CAB39L: variants seen among roughly 807,000 people sequenced by gnomAD.
The protein encoded by CAB39L is calcium-binding protein 39-like.
Under a neutral mutation model 39.1 loss-of-function variants are expected in CAB39L, and 23 were observed. The ratio of observed to expected loss-of-function variants is 0.59; its 90% CI spans 0.42 to 0.83. The LOEUF is 0.83. CAB39L is among the 40% of genes least tolerant of loss of function. CAB39L has a pLI of 0.00. For missense variants in CAB39L, 366 were observed against 391.9 expected, an observed-to-expected ratio of 0.93 and a Z score of 0.56; for synonymous variants, 126 against 137.2, an observed-to-expected ratio of 0.92 and a Z score of 0.57.
chr13:49,440,338 G>A (rs557490751), intron 1 of CAB39L, among the ~76,000 whole-genome samples: 7 of 152,214 alleles, frequency 4.6e-5, no homozygotes, highest in Non-Finnish European at 7.4e-5. Flanking sequence ...AGTTATCCCA[G>A]CACCATTTAT....
chr13:49,391,090 T>C (rs750932305), intron 3 of CAB39L, among the ~76,000 whole-genome samples: 13 of 152,052 alleles, frequency 8.5e-5, no homozygotes, highest in Non-Finnish European at 1.6e-4. Flanking sequence ...TAAAGCGAAA[T>C]CCCACAAACT....
intron 7 of CAB39L, among the ~76,000 whole-genome samples, chr13:49,346,100 GATATAT>G (rs370368670): frequency 1.3e-4 from 4 of 30,946 alleles, no homozygotes; most frequent in Non-Finnish European, 2.3e-4. Flanking sequence ...ATATATGCTA[GATATAT>G]ATATATATAT....
intron 6 of CAB39L, among the ~76,000 whole-genome samples, chr13:49,358,187 C>T (rs1354987256): frequency 6.6e-6 from 1 of 152,116 alleles, no homozygotes; most frequent in Non-Finnish European, 1.5e-5. Flanking sequence ...AGGATCTTTC[C>T]CTTTCCAGAG....
At chr13:49,373,208 A>G (rs1955967264) in intron 5 of CAB39L, among the ~76,000 whole-genome samples, 1 of 151,822 alleles carries the variant, frequency 6.6e-6, no homozygotes, top group African/African-American at 2.4e-5. Flanking sequence ...ACTCCTATCA[A>G]CCTTGGCCAA....
intron 6 of CAB39L, 187 bp from the exon 7 acceptor site, chr13:49,351,099 A>T: frequency 2.5e-6 from 1 of 400,912 alleles, no homozygotes. Flanking sequence ...CTGGAATTTG[A>T]GTGTATTCTG....
At chr13:49,369,582 C>G (rs1483344897) in intron 5 of CAB39L, among the ~76,000 whole-genome samples, 1 of 140,222 alleles carries the variant, frequency 7.1e-6, no homozygotes, top group African/African-American at 2.6e-5. Flanking sequence ...TACAAAGAGG[C>G]AAAGGAGATT....
intron 5 of CAB39L, among the ~76,000 whole-genome samples, chr13:49,366,725 C>T (rs1233176916): frequency 6.7e-6 from 1 of 148,352 alleles, no homozygotes; most frequent in Admixed American, 6.8e-5. Context: ...GTATGAAAAA[C>T]AAACAATCTG....
At chr13:49,415,241 G>T (rs965819430) in intron 3 of CAB39L, among the ~76,000 whole-genome samples, 1 of 151,464 alleles carries the variant, frequency 6.6e-6, no homozygotes, top group Admixed American at 6.6e-5. Context: ...ATGTGGCCAG[G>T]CGCGGTGGCT....
At chr13:49,443,143 C>A (rs1957573343) in intron 1 of CAB39L, among the ~76,000 whole-genome samples, 1 of 151,166 alleles carries the variant, frequency 6.6e-6, no homozygotes, top group African/African-American at 2.4e-5. Context: ...CTTCCTCCTA[C>A]CCCAAAAAGA....
rs181480234 is a variant in CAB39L at position 49,402,004 on chromosome 13, C to T, written c.-31-19063G>A. ...TATGAAAAAAATGTATTTCTTAATA[C>T]GGTATATTTTGAAACTTGGACCAAA... On this transcript the variant is annotated intron_variant, in intron 3 of 10. Coordinates refer to ENST00000409308, the MANE Select transcript of CAB39L (RefSeq NM_001079670.3). Among the ~76,000 whole-genome samples the T allele has an allele frequency of 2.5e-3, 386 of 151,962 alleles. 2 individuals are homozygous for T. Among genetic ancestry groups the T allele is most frequent in the African/African-American group, 9.0e-3 (372 of 41,440 alleles).
At chr13:49,416,545 C>T (rs1957087314) in intron 3 of CAB39L, among the ~76,000 whole-genome samples, 1 of 152,162 alleles carries the variant, frequency 6.6e-6, no homozygotes, top group South Asian at 2.1e-4. Context: ...GGAGACAGTG[C>T]TTTCTTCCCC....
intron 10 of CAB39L, among the ~76,000 whole-genome samples, chr13:49,329,853 C>G (rs1369661775): frequency 2.6e-5 from 4 of 152,060 alleles, no homozygotes; most frequent in African/African-American, 7.2e-5. Flanking sequence ...TTGAAGCAAA[C>G]TGCAGAAGTG....
intron 10 of CAB39L, among the ~76,000 whole-genome samples, chr13:49,314,484 C>T (rs1322776156): frequency 6.6e-6 from 1 of 152,072 alleles, no homozygotes; most frequent in Non-Finnish European, 1.5e-5. Context: ...GTCAACTGTA[C>T]ACACGACCGT....
At chr13:49,347,992 T>C (rs1295250461) in intron 7 of CAB39L, among the ~76,000 whole-genome samples, 3 of 152,110 alleles carry the variant, frequency 2.0e-5, no homozygotes, top group Non-Finnish European at 2.9e-5. Context: ...TTCTTTTCCT[T>C]GCCCTTTTCT....
chr13:49,390,291 T>G (rs1956459828), intron 3 of CAB39L, among the ~76,000 whole-genome samples: 1 of 152,152 alleles, frequency 6.6e-6, no homozygotes, highest in South Asian at 2.1e-4. Flanking sequence ...CTCTGTCACC[T>G]AGGCTGGAGT....
intron 10 of CAB39L, among the ~76,000 whole-genome samples, chr13:49,318,304 CA>C (rs1555320467): frequency 6.7e-6 from 1 of 150,368 alleles, no homozygotes; most frequent in Non-Finnish European, 1.5e-5. Flanking sequence ...CCTGTCTCCA[CA>C]AAAAATTAAA....
intron 10 of CAB39L, among the ~76,000 whole-genome samples, chr13:49,324,542 C>T (rs1409013739): frequency 6.6e-6 from 1 of 152,154 alleles, no homozygotes; most frequent in African/African-American, 2.4e-5. Flanking sequence ...TTTGCCATTT[C>T]GAATTTACCA....
chr13:49,357,211 G>T (rs1255257679), intron 6 of CAB39L, among the ~76,000 whole-genome samples: 1 of 152,148 alleles, frequency 6.6e-6, no homozygotes, highest in African/African-American at 2.4e-5. Context: ...GGGATTTAGT[G>T]TCAGATCTGC....
Position 49,350,918 on chromosome 13 carries a change from G to C in CAB39L, c.396-6C>G. On this transcript the variant is annotated splice_region_variant and splice_polypyrimidine_tract_variant and intron_variant, in intron 6 of 10. Coordinates refer to ENST00000409308, the MANE Select transcript of CAB39L (RefSeq NM_001079670.3). ...CAATCTGTGGGGCTTCATATCTAAAGCGTAAACAAGAGAGAAATAGAGAAC... is the reference window on the plus strand; with the variant it reads ...CAATCTGTGGGGCTTCATATCTAAACCGTAAACAAGAGAGAAATAGAGAAC... The C allele has an allele frequency of 6.4e-7, 1 of 1,560,910 alleles. No individual in the cohort carries two copies. The highest frequency in any genetic ancestry group is 1.2e-5 in the South Asian group (1 of 83,128).
Sources: gnomAD v4.1 joint callset for allele counts (sites outside exome capture counted in the v4.1 genomes callset) on GRCh38, gnomAD v4.1.1 for gene constraint, MANE v1.5 for transcripts, NCBI Gene and HGNC (gene_info 2026-07-23, HGNC 2026-07-21) for gene names.